Variants in DIS3L observed in about 807,000 individuals in gnomAD.
The protein encoded by DIS3L is DIS3 like exosome 3'-5' exoribonuclease, also known as DIS3-like exonuclease 1.
A neutral mutation model predicts 120.3 loss-of-function variants in DIS3L; 100 were observed. The observed-to-expected ratio is 0.83, with a 90% confidence interval of 0.71 to 0.98. DIS3L has a LOEUF of 0.98. Among genes scored for constraint, DIS3L ranks in the 50% least tolerant of loss-of-function variants. The pLI is 0.00. For missense variants in DIS3L, 1,196 were observed against 1,314.2 expected (o/e 0.91, Z 1.39); for synonymous variants, 426 against 470.6 (o/e 0.91, Z 1.23).
intron 11 of DIS3L, among the ~76,000 whole-genome samples, chr15:66,324,052 G>C (rs184005759): frequency 6.6e-6 from 1 of 152,084 alleles, no homozygotes; most frequent in African/African-American, 2.4e-5. Flanking sequence ...TTAATGAAAG[G>C]TTCCTCCCTA....
chr15:66,325,399 A>G (rs2092925260), intron 11 of DIS3L, among the ~76,000 whole-genome samples: 1 of 152,222 alleles, frequency 6.6e-6, no homozygotes, highest in Non-Finnish European at 1.5e-5. Context: ...ATCTCAAGAA[A>G]AAAATGGAGG....
chr15:66,302,000 T>A (rs2092652836), intron 2 of DIS3L, among the ~76,000 whole-genome samples: 1 of 152,204 alleles, frequency 6.6e-6, no homozygotes, highest in African/African-American at 2.4e-5. Context: ...TTAGGAAGGA[T>A]TGTCATTACT....
intron 14 of DIS3L, 62 bp downstream of exon 14, chr15:66,329,461 T>C (rs2092976098): frequency 1.9e-6 from 3 of 1,539,608 alleles, no homozygotes; most frequent in Admixed American, 2.0e-5. Flanking sequence ...ATCAGCTTTA[T>C]TGTGTAGTAC....
intron 2 of DIS3L, among the ~76,000 whole-genome samples, chr15:66,298,764 G>A: frequency 6.6e-6 from 1 of 152,218 alleles, no homozygotes; most frequent in East Asian, 1.9e-4. Flanking sequence ...TGACAACTCT[G>A]TAAGGCTGTT....
At chr15:66,302,287 A>G (rs1242471636) in intron 2 of DIS3L, among the ~76,000 whole-genome samples, 4 of 152,140 alleles carry the variant, frequency 2.6e-5, no homozygotes, top group Non-Finnish European at 5.9e-5. Context: ...AGACCACTTG[A>G]GCCTGAGAGT....
intron 4 of DIS3L, among the ~76,000 whole-genome samples, chr15:66,309,094 A>AAAAAAAAAAAAAAAAAATATAAAT: frequency 6.5e-5 from 1 of 15,316 alleles, no homozygotes; most frequent in Admixed American, 1.6e-3. Context: ...AAAAAAAAAA[A>AAAAAAAAAAAAAAAAAATATAAAT]ATATATATAT....
At chr15:66,322,632 A>G in intron 9 of DIS3L, 55 bp from the exon 10 acceptor site, 1 of 1,599,226 alleles carries the variant, frequency 6.3e-7, no homozygotes, top group Non-Finnish European at 8.5e-7. Context: ...TAGTGAGTGG[A>G]TTTTTACAGA....
Position 66,295,203 on chromosome 15 carries a change from C to G in DIS3L, c.293+62C>G, listed in dbSNP as rs1220483491. On this transcript the variant is annotated intron_variant, in intron 2 of 16. Coordinates refer to ENST00000319212, the MANE Select transcript of DIS3L (RefSeq NM_001143688.3). The stretch of plus-strand genomic sequence containing the variant: ...GGTTCCCCCCACCTTAGAAAAGGTC[C>G]CTTGTCGGAGGGGGATGGGAGGAAT... 2.6e-5 allele frequency: 39 copies of G among 1,502,172 alleles called. No individual in the cohort carries two copies. The East Asian group carries it at 8.9e-4, about 34-fold the overall frequency. The allele number at this position is 1,502,172 out of a possible 1,614,324, so 93.1% of individuals were successfully genotyped here.
chr15:66,328,735 G>A (rs900046252), intron 12 of DIS3L, among the ~76,000 whole-genome samples: 4 of 152,130 alleles, frequency 2.6e-5, no homozygotes, highest in African/African-American at 9.7e-5. Flanking sequence ...ATTAAAATCA[G>A]TACATGATTC....
At chr15:66,320,796 C>T in intron 9 of DIS3L, 64 bp downstream of exon 9, 1 of 1,556,754 alleles carries the variant, frequency 6.4e-7, no homozygotes, top group East Asian at 2.3e-5. Flanking sequence ...GTTGTTTCAT[C>T]ATTAAGAAAG....
In DIS3L at chr15:66,333,048, C is replaced by A; in HGVS notation, c.2901C>A (p.Ile967=). The stretch of plus-strand genomic sequence containing the variant: ...CCTCACGTTGCCATTCTGATACAAT[C>A]AGACTTGAAATAATTAGTAACAAAC... The part of the protein sequence containing the change: ...IQASRCHSDT[I]RLEIISNKPY... The change falls in exon 17 of 17, where the codon ATC becomes ATA. Residue 967 remains isoleucine (I), a synonymous_variant. Coordinates refer to ENST00000319212, the MANE Select transcript of DIS3L (RefSeq NM_001143688.3). 1 of 1,613,264 alleles carries A rather than the reference C, an allele frequency of 6.2e-7. No homozygotes were observed.
intron 10 of DIS3L, 150 bp downstream of exon 10, chr15:66,323,084 C>A (rs2092902540): frequency 2.2e-6 from 2 of 924,048 alleles, no homozygotes; most frequent in Admixed American, 2.9e-5. Flanking sequence ...TCTCCATTTT[C>A]CTTTAGAAAA....
intron 2 of DIS3L, among the ~76,000 whole-genome samples, chr15:66,298,258 C>T (rs2092611069): frequency 6.8e-6 from 1 of 146,080 alleles, no homozygotes; most frequent in African/African-American, 2.5e-5. Flanking sequence ...GTCACATGAT[C>T]TAACTCCCCA....
intron 2 of DIS3L, among the ~76,000 whole-genome samples, chr15:66,302,046 CAG>C (rs2092653366): frequency 6.6e-6 from 1 of 151,974 alleles, no homozygotes; most frequent in Admixed American, 6.6e-5. Flanking sequence ...TGGCTTGTGG[CAG>C]ACACATCAGT....
chr15:66,316,951 G>A (rs1219323910), intron 7 of DIS3L, among the ~76,000 whole-genome samples: 2 of 152,200 alleles, frequency 1.3e-5, no homozygotes, highest in Non-Finnish European at 2.9e-5. Context: ...CCCACCAGCT[G>A]AGGCCACCTT....
Position 66,293,705 on chromosome 15 carries a change from C to G in DIS3L, c.109C>G (p.Leu37Val). The G allele has an allele frequency of 7.4e-7, 1 of 1,353,798 alleles. No homozygotes were observed. Among genetic ancestry groups the G allele is most frequent in the South Asian group, 1.7e-5 (1 of 60,374 alleles). 83.9% of individuals were successfully genotyped at this position (1,353,798 alleles called of 1,614,324 possible). A position where few individuals can be genotyped will look rare whatever the true frequency, so the allele number is the denominator to read the frequency against. Residue 37 changes from leucine to valine, a missense_variant, in exon 1 of 17, where the codon CTC becomes GTC. Leu to Val is a conservative substitution (Grantham distance 32). Coordinates refer to ENST00000319212, the MANE Select transcript of DIS3L (RefSeq NM_001143688.3). ...LRPCVPCHSP[L>V]CPQPAACSHD... is the part of the protein sequence containing the mutation. ...GCCCTGCGTGCCCTGCCACAGCCCG[C>G]TCTGCCCGCAGCCCGCCGCCTGCAG...
intron 10 of DIS3L, 100 bp from the exon 11 acceptor site, chr15:66,323,393 G>A: frequency 9.0e-7 from 1 of 1,110,272 alleles, no homozygotes; most frequent in Non-Finnish European, 1.4e-6. Flanking sequence ...TGGGGAATCT[G>A]TAGTGAGATT....
chr15:66,293,673 A>C lies in DIS3L; in HGVS notation c.77A>C (p.Tyr26Ser), dbSNP rs1162761758. Residue 26 changes from tyrosine (Y) to serine (S), a missense_variant, in exon 1 of 17, where the codon TAC becomes TCC. Coordinates refer to ENST00000319212, the MANE Select transcript of DIS3L (RefSeq NM_001143688.3). ...ACGCTGCGGATCGTGCGCGAGCACTACCTGCGGCCCTGCGTGCCCTGCCAC... is the reference window on the plus strand; with the variant it reads ...ACGCTGCGGATCGTGCGCGAGCACTCCCTGCGGCCCTGCGTGCCCTGCCAC... ...GRTLRIVREH[Y>S]LRPCVPCHSP... The C allele has an allele frequency of 2.1e-6, 3 of 1,416,878 alleles. No homozygotes were observed. 87.8% of individuals were successfully genotyped at this position (1,416,878 alleles called of 1,614,324 possible).
At chr15:66,313,116 C>T (rs1003950753) in intron 5 of DIS3L, among the ~76,000 whole-genome samples, 10 of 152,070 alleles carry the variant, frequency 6.6e-5, no homozygotes, top group African/African-American at 2.2e-4. Context: ...CTGCCTCAGC[C>T]TCCTGAGTAG....
Sources: gnomAD v4.1 joint callset for allele counts (sites outside exome capture counted in the v4.1 genomes callset) on GRCh38, gnomAD v4.1.1 for gene constraint, MANE v1.5 for transcripts, NCBI Gene and HGNC (gene_info 2026-07-23, HGNC 2026-07-21) for gene names.